Variants in SMIM15 observed in about 807,000 individuals in gnomAD.
SMIM15 encodes the protein UPF0542 protein C5orf43.
In SMIM15, 5 loss-of-function variants were observed where a neutral mutation model predicts 6.8. That is an observed-to-expected ratio of 0.74 (90% CI 0.39 to 1.56). SMIM15 has a LOEUF of 1.56. Ranked by LOEUF, SMIM15 falls within the 40% of genes most tolerant of loss-of-function variation. The pLI is 0.03. For missense variants in SMIM15, 81 were observed against 84.8 expected (o/e 0.96, Z 0.18); for synonymous variants, 30 against 30.8 (o/e 0.97, Z 0.09).
chr5:61,160,721 G>A (rs1741399262), intron 2 of SMIM15, among the ~76,000 whole-genome samples: 1 of 152,218 alleles, frequency 6.6e-6, no homozygotes, highest in Admixed American at 6.5e-5. Flanking sequence ...TTCCCCGAAT[G>A]GGAAGGAGAG....
chr5:61,162,057 T>G lies in SMIM15; in HGVS notation c.-169+160A>C, dbSNP rs1439361490. 6.6e-6 allele frequency: 1 copy of G among 152,352 alleles called. No individual in the cohort carries two copies. The highest frequency in any genetic ancestry group is 2.4e-5 in the African/African-American group (1 of 41,464). 9.4% of individuals were successfully genotyped at this position (152,352 alleles called of 1,614,324 possible). A position where few individuals can be genotyped will look rare whatever the true frequency, so the allele number is the denominator to read the frequency against. ...CCTCCACACTTTCAGGAATAAATCC[T>G]ACTCTTCCGCCCAAAACGGATCGAC... On this transcript the variant is annotated intron_variant, in intron 1 of 2. Coordinates refer to ENST00000339020, the MANE Select transcript of SMIM15 (RefSeq NM_001048249.4). This position sits in a 1 kb window ranked among gnomAD's most constrained non-coding sequence, Gnocchi z 4.4.
At chr5:61,160,324 CT>C in intron 2 of SMIM15, 125 bp from the exon 3 acceptor site, 1 of 708,260 alleles carries the variant, frequency 1.4e-6, no homozygotes, top group Non-Finnish European at 2.3e-6. Context: ...ACTCAGTTTG[CT>C]TTTTTAAAAA....
chr5:61,162,124 TGCAACGGGTA>T lies in SMIM15; in HGVS notation c.-169+83_-169+92del, dbSNP rs1167857065. 1.3e-5 allele frequency: 2 copies of T among 152,574 alleles called. No individual in the cohort carries two copies. The highest frequency in any genetic ancestry group is 4.8e-5 in the African/African-American group (2 of 41,458). 9.5% of individuals were successfully genotyped at this position (152,574 alleles called of 1,614,324 possible). On this transcript the variant is annotated intron_variant, in intron 1 of 2. Transcript: ENST00000339020. The surrounding 1 kb of genome is among the most constrained non-coding windows in gnomAD (Gnocchi z 4.4). The stretch of plus-strand genomic sequence containing the variant: ...ACCAGACCCGCGTGGCCCCTGCGGC[TGCAACGGGTA>T]GCACTTGACGGCCGTCCGCACTTCC...
intron 2 of SMIM15, among the ~76,000 whole-genome samples, chr5:61,160,413 G>GT (rs1741392711): frequency 6.6e-6 from 1 of 152,124 alleles, no homozygotes; most frequent in Non-Finnish European, 1.5e-5. Flanking sequence ...AGCCAGAATA[G>GT]TGACACTTCA....
rs1317005270 is a variant in SMIM15, at chr5:61,159,646, A to T, written c.*301T>A. 2 of 320,574 alleles carry T rather than the reference A, an allele frequency of 6.2e-6. No individual in the cohort carries two copies. Among genetic ancestry groups the T allele is most frequent in the East Asian group, 1.4e-4 (2 of 14,382 alleles). The allele number at this position is 320,574 out of a possible 1,614,324, so 19.9% of individuals were successfully genotyped here. A position where few individuals can be genotyped will look rare whatever the true frequency, so the allele number is the denominator to read the frequency against. On this transcript the variant is annotated 3_prime_UTR_variant, in exon 3 of 3. Coordinates refer to ENST00000339020, the MANE Select transcript of SMIM15 (RefSeq NM_001048249.4). ...ATCTAAAGTCACTTTTCCCCACAAGATGTTTTCATTTCAGTATATAAACTG... is the reference window on the plus strand; with the variant it reads ...ATCTAAAGTCACTTTTCCCCACAAGTTGTTTTCATTTCAGTATATAAACTG...
At chr5:61,160,490 C>G (rs542610344) in intron 2 of SMIM15, among the ~76,000 whole-genome samples, 2 of 152,214 alleles carry the variant, frequency 1.3e-5, no homozygotes, top group Admixed American at 1.3e-4. Context: ...TGCATTCTCA[C>G]ATGCCTCCTA....
rs1741358116 is a variant in SMIM15, at chr5:61,158,341, C to G, written c.*1606G>C. ...AAAACCAAACATATTATAGATATAT[C>G]TTAACACTGAATAATTTCAGTGCCT... On this transcript the variant is annotated 3_prime_UTR_variant, in exon 3 of 3. Transcript: ENST00000339020. 1 of 152,066 alleles carries G rather than the reference C, an allele frequency of 6.6e-6. No individual in the cohort carries two copies. The highest frequency in any genetic ancestry group is 1.5e-5 in the Non-Finnish European group (1 of 68,012). 9.4% of individuals were successfully genotyped at this position (152,066 alleles called of 1,614,324 possible).
rs868270757 is a variant in SMIM15 at position 61,159,937 on chromosome 5, G to C, written c.*10C>G. 2 of 1,611,852 alleles carry C rather than the reference G, an allele frequency of 1.2e-6. No individual in the cohort carries two copies. The highest frequency in any genetic ancestry group is 4.4e-4 in the Middle Eastern group (2 of 4,588). On this transcript the variant is annotated 3_prime_UTR_variant, in exon 3 of 3. Transcript: ENST00000339020. ...TGATTTTCCTCTGGTTGCAAAGCCT[G>C]TTCAGTCCTTCAATCCTTTTTTAGT...
At position 61,158,988 on chromosome 5, in the gene SMIM15, A is replaced by C. The variant is rs1413962625; in HGVS notation, c.*959T>G. On this transcript the variant is annotated 3_prime_UTR_variant, in exon 3 of 3. Transcript: ENST00000339020. ...TTACACTTTAAGAGTTCTTTAAAAG[A>C]AATGTGAAATTTAACGTTTTACTTT... 2.0e-5 allele frequency: 3 copies of C among 152,248 alleles called. No homozygotes were observed. The highest frequency in any genetic ancestry group is 1.3e-4 in the Admixed American group (2 of 15,286). The allele number at this position is 152,248 out of a possible 1,614,324, so 9.4% of individuals were successfully genotyped here. A position where few individuals can be genotyped will look rare whatever the true frequency, so the allele number is the denominator to read the frequency against.
At position 61,157,934 on chromosome 5, in the gene SMIM15, A is replaced by C. The variant is rs979214555; in HGVS notation, c.*2013T>G. ...AACAACAGTACTCTGTTGCAGTGAGAGGTGATTTTTCTGAAGAATCCCAAA... is the reference window on the plus strand; with the variant it reads ...AACAACAGTACTCTGTTGCAGTGAGCGGTGATTTTTCTGAAGAATCCCAAA... On this transcript the variant is annotated 3_prime_UTR_variant, in exon 3 of 3. Coordinates refer to ENST00000339020, the MANE Select transcript of SMIM15 (RefSeq NM_001048249.4). 2.7e-5 allele frequency: 4 copies of C among 150,730 alleles called. No individual in the cohort carries two copies. The highest frequency in any genetic ancestry group is 9.8e-5 in the African/African-American group (4 of 40,996). The allele number at this position is 150,730 out of a possible 1,614,324, so 9.3% of individuals were successfully genotyped here. A position where few individuals can be genotyped will look rare whatever the true frequency, so the allele number is the denominator to read the frequency against.
chr5:61,158,906 CA>C lies in SMIM15; in HGVS notation c.*1040del, dbSNP rs1173441635. ...TTCACCCAATCACTACTATGCCCAA[CA>C]AAATGTTTCCAAATTTTATACCTTT... On this transcript the variant is annotated 3_prime_UTR_variant, in exon 3 of 3. Transcript: ENST00000339020. 6.6e-6 allele frequency: 1 copy of C among 152,134 alleles called. No homozygotes were observed. Among genetic ancestry groups the C allele is most frequent in the African/African-American group, 2.4e-5 (1 of 41,438 alleles). 9.4% of individuals were successfully genotyped at this position (152,134 alleles called of 1,614,324 possible).
At position 61,158,021 on chromosome 5, in the gene SMIM15, ACACT is replaced by A. The variant is rs974480632; in HGVS notation, c.*1922_*1925del. The A allele has an allele frequency of 2.0e-5, 3 of 151,548 alleles. 1 individual carries two copies. The highest frequency in any genetic ancestry group is 7.3e-5 in the African/African-American group (3 of 41,012). The allele number at this position is 151,548 out of a possible 1,614,324, so 9.4% of individuals were successfully genotyped here. A position where few individuals can be genotyped will look rare whatever the true frequency, so the allele number is the denominator to read the frequency against. On this transcript the variant is annotated 3_prime_UTR_variant, in exon 3 of 3. Coordinates refer to ENST00000339020, the MANE Select transcript of SMIM15 (RefSeq NM_001048249.4). Reference sequence around the variant, plus strand: ...CACACACACACACACACACACACACACACTGTAAAGTATGAATCTCACATATATA... The same window carrying A: ...CACACACACACACACACACACACACAGTAAAGTATGAATCTCACATATATA...
In SMIM15 at chr5:61,159,242, T is replaced by G. The variant is rs1170587525; in HGVS notation, c.*705A>C. ...AGTGTTACTCCTCTCAAGCCATCTC[T>G]AAGAAAATGGCAGTGTTTGTGAGTA... On this transcript the variant is annotated 3_prime_UTR_variant, in exon 3 of 3. Coordinates refer to ENST00000339020, the MANE Select transcript of SMIM15 (RefSeq NM_001048249.4). The G allele has an allele frequency of 2.0e-5, 3 of 152,764 alleles. No individual in the cohort carries two copies. The East Asian group carries it at 5.8e-4, about 29-fold the overall frequency. 9.5% of individuals were successfully genotyped at this position (152,764 alleles called of 1,614,324 possible).
Position 61,158,165 on chromosome 5 carries a change from TTTAAG to T in SMIM15, c.*1777_*1781del, listed in dbSNP as rs1489682625. 2.0e-5 allele frequency: 3 copies of T among 152,162 alleles called. No homozygotes were observed. Among genetic ancestry groups the T allele is most frequent in the Admixed American group, 6.5e-5 (1 of 15,274 alleles). 9.4% of individuals were successfully genotyped at this position (152,162 alleles called of 1,614,324 possible). A position where few individuals can be genotyped will look rare whatever the true frequency, so the allele number is the denominator to read the frequency against. On this transcript the variant is annotated 3_prime_UTR_variant, in exon 3 of 3. Coordinates refer to ENST00000339020, the MANE Select transcript of SMIM15 (RefSeq NM_001048249.4). ...ATAGAAAAACAGACCTTTAAATACCTTTAAGTTGTTACAACAGAACTGATGAAACC... is the reference window on the plus strand; with the variant it reads ...ATAGAAAAACAGACCTTTAAATACCTTTGTTACAACAGAACTGATGAAACC...
At position 61,157,952 on chromosome 5, in the gene SMIM15, A is replaced by C. The variant is rs1191042064; in HGVS notation, c.*1995T>G. 1.3e-5 allele frequency: 2 copies of C among 150,800 alleles called. No homozygotes were observed. The highest frequency in any genetic ancestry group is 2.9e-5 in the Non-Finnish European group (2 of 67,808). 9.3% of individuals were successfully genotyped at this position (150,800 alleles called of 1,614,324 possible). A position where few individuals can be genotyped will look rare whatever the true frequency, so the allele number is the denominator to read the frequency against. The stretch of plus-strand genomic sequence containing the variant: ...CAGTGAGAGGTGATTTTTCTGAAGA[A>C]TCCCAAACCTCACAATATTCTCTAT... On this transcript the variant is annotated 3_prime_UTR_variant, in exon 3 of 3. Transcript: ENST00000339020.
Position 61,159,083 on chromosome 5 carries a change from C to G in SMIM15, c.*864G>C, listed in dbSNP as rs938284775. On this transcript the variant is annotated 3_prime_UTR_variant, in exon 3 of 3. Coordinates refer to ENST00000339020, the MANE Select transcript of SMIM15 (RefSeq NM_001048249.4). ...TTAAAACAAAGAATGAAATAAAAAACAAATGGTGTCTTTGTAATCGGCGAA... is the reference window on the plus strand; with the variant it reads ...TTAAAACAAAGAATGAAATAAAAAAGAAATGGTGTCTTTGTAATCGGCGAA... 2.6e-5 allele frequency: 4 copies of G among 152,164 alleles called. No individual in the cohort carries two copies. Among genetic ancestry groups the G allele is most frequent in the Non-Finnish European group, 4.4e-5 (3 of 67,974 alleles). 9.4% of individuals were successfully genotyped at this position (152,164 alleles called of 1,614,324 possible).
chr5:61,160,082 A>G lies in SMIM15; in HGVS notation c.90T>C (p.Leu30=), dbSNP rs199641820. The G allele has an allele frequency of 6.8e-6, 11 of 1,614,096 alleles. No homozygotes were observed. The highest frequency in any genetic ancestry group is 9.3e-6 in the Non-Finnish European group (11 of 1,180,040). ...CAGCACTTGCTAGGAACAGTGGAGT[A>G]AGGGCCAAAATAACGGTTGTAAGGA... ...YGFLTTVILA[L]TPLFLASAVL... Residue 30 remains leucine (L), a synonymous_variant, in exon 3 of 3, where the codon CTT becomes CTC. Coordinates refer to ENST00000339020, the MANE Select transcript of SMIM15 (RefSeq NM_001048249.4).
intron 2 of SMIM15, among the ~76,000 whole-genome samples, chr5:61,160,847 G>A (rs1406822078): frequency 2.6e-5 from 4 of 152,164 alleles, no homozygotes; most frequent in Non-Finnish European, 5.9e-5. Flanking sequence ...TAATAAATGA[G>A]AAAGTAGCCT....
Position 61,159,890 on chromosome 5 carries a change from C to G in SMIM15, c.*57G>C. 6.3e-7 allele frequency: 1 copy of G among 1,578,442 alleles called. No homozygotes were observed. Among genetic ancestry groups the G allele is most frequent in the Admixed American group, 1.7e-5 (1 of 58,836 alleles). On this transcript the variant is annotated 3_prime_UTR_variant, in exon 3 of 3. Coordinates refer to ENST00000339020, the MANE Select transcript of SMIM15 (RefSeq NM_001048249.4). The stretch of plus-strand genomic sequence containing the variant: ...AAGAAGAAACTTTAGTGGATTCTTC[C>G]AAAGCTGTGTAATTTTCCAAATGAT...
Sources: gnomAD v4.1 joint callset for allele counts (sites outside exome capture counted in the v4.1 genomes callset) on GRCh38, gnomAD v4.1.1 for gene constraint, Gnocchi (gnomAD v3.1) non-coding constraint, MANE v1.5 for transcripts, NCBI Gene and HGNC (gene_info 2026-07-23, HGNC 2026-07-21) for gene names.